The following TMEM132B variants were observed in gnomAD, a reference collection of about 807,000 sequenced individuals.
The protein encoded by TMEM132B is transmembrane protein 132B.
In TMEM132B, 18 loss-of-function variants were observed where a neutral mutation model predicts 90.8. The observed-to-expected ratio is 0.20, with a 90% CI of 0.14 to 0.29. TMEM132B has a LOEUF of 0.29. Ranked by LOEUF, TMEM132B falls within the 10% of genes least tolerant of loss-of-function variation. The pLI is 1.00. For missense variants in TMEM132B, 1,096 were observed against 1,326.8 expected, an observed-to-expected ratio of 0.83 and a Z score of 2.70; for synonymous variants, 504 against 523.3, an observed-to-expected ratio of 0.96 and a Z score of 0.50.
chr12:125,335,729 G>A (rs1204984088), intron 1 of TMEM132B, among the ~76,000 whole-genome samples: 4 of 152,194 alleles, frequency 2.6e-5, no homozygotes, highest in African/African-American at 9.6e-5. Context: ...GCTCATGCCT[G>A]TAATCCCAGC....
intron 1 of TMEM132B, among the ~76,000 whole-genome samples, chr12:125,267,935 C>G (rs1403064694): frequency 6.6e-6 from 1 of 152,200 alleles, no homozygotes; most frequent in East Asian, 1.9e-4. Flanking sequence ...TTGGTTGGTG[C>G]TCTCTACTCT....
At chr12:125,494,437 G>T (rs1401522242) in intron 3 of TMEM132B, among the ~76,000 whole-genome samples, 1 of 111,382 alleles carries the variant, frequency 9.0e-6, no homozygotes, top group Non-Finnish European at 1.8e-5. Flanking sequence ...GGAAATGGCC[G>T]TGTCCCTCCT....
chr12:125,557,966 A>G (rs1884432030), intron 4 of TMEM132B, among the ~76,000 whole-genome samples: 1 of 152,194 alleles, frequency 6.6e-6, no homozygotes, highest in South Asian at 2.1e-4. Context: ...CCCTCCTGTG[A>G]GTAGCTTATG....
chr12:125,384,773 C>T (rs1878779375), intron 2 of TMEM132B, among the ~76,000 whole-genome samples: 1 of 152,156 alleles, frequency 6.6e-6, no homozygotes, highest in Non-Finnish European at 1.5e-5. Flanking sequence ...GCCTCAGCCT[C>T]CCAAGTAGCT....
chr12:125,232,687 T>C (rs190116897), intron 1 of TMEM132B, among the ~76,000 whole-genome samples: 79 of 152,364 alleles, frequency 5.2e-4, no homozygotes, highest in African/African-American at 1.8e-3. Context: ...TTTTTCTCTC[T>C]CATAAATGTG....
At chr12:125,555,791 A>G (rs1425554945) in intron 4 of TMEM132B, among the ~76,000 whole-genome samples, 1 of 152,188 alleles carries the variant, frequency 6.6e-6, no homozygotes, top group Non-Finnish European at 1.5e-5. Context: ...TCGAGTTTGC[A>G]TAAGAAACAG....
At chr12:125,274,748 C>T (rs1266925468) in intron 1 of TMEM132B, among the ~76,000 whole-genome samples, 1 of 152,100 alleles carries the variant, frequency 6.6e-6, no homozygotes, top group Admixed American at 6.5e-5. Flanking sequence ...AACTTGGGTG[C>T]CTCCTAAGGG....
chr12:125,333,100 C>T (rs1425677341), intron 1 of TMEM132B, among the ~76,000 whole-genome samples: 2 of 152,172 alleles, frequency 1.3e-5, no homozygotes, highest in African/African-American at 4.8e-5. Flanking sequence ...GGCGCTGTCC[C>T]AGGCCGGTTT....
At chr12:125,535,602 G>C (rs1883775245) in intron 4 of TMEM132B, among the ~76,000 whole-genome samples, 1 of 152,176 alleles carries the variant, frequency 6.6e-6, no homozygotes, top group South Asian at 2.1e-4. Context: ...TAAAGACCAA[G>C]CTGAACTCCT....
At chr12:125,467,865 T>G (rs1881610341) in intron 3 of TMEM132B, among the ~76,000 whole-genome samples, 1 of 152,264 alleles carries the variant, frequency 6.6e-6, no homozygotes, top group Non-Finnish European at 1.5e-5. Context: ...CTGTGTGAAC[T>G]TTTGCATCTG....
chr12:125,544,792 G>A (rs1884047722), intron 4 of TMEM132B, among the ~76,000 whole-genome samples: 1 of 152,184 alleles, frequency 6.6e-6, no homozygotes, highest in Non-Finnish European at 1.5e-5. Context: ...GGTGTGGGCA[G>A]ATTATGCAGG....
chr12:125,514,206 C>A (rs1328830749), intron 3 of TMEM132B, among the ~76,000 whole-genome samples: 1 of 152,160 alleles, frequency 6.6e-6, no homozygotes, highest in Admixed American at 6.5e-5. Flanking sequence ...ACACGCCCCC[C>A]ACCCCCAACG....
chr12:125,435,323 A>C (rs1430026517), intron 3 of TMEM132B, among the ~76,000 whole-genome samples: 2 of 152,188 alleles, frequency 1.3e-5, no homozygotes, highest in African/African-American at 4.8e-5. Flanking sequence ...AGTTGCCAGG[A>C]AGGGCCTAGA....
At position 125,432,519 on chromosome 12, in the gene TMEM132B, A is replaced by ATG. The variant is rs1413050732; in HGVS notation, c.1106+16843_1106+16844insGT. The stretch of plus-strand genomic sequence containing the variant: ...TATATATATGTGTGTGTGTATATAT[A>ATG]TATATATATAGAGAGAGAGAGAGAG... On this transcript the variant is annotated intron_variant, in intron 3 of 8. Transcript: ENST00000682704. 4.1e-4 allele frequency among the ~76,000 whole-genome samples: 26 copies of ATG among 64,032 alleles called. 2 individuals carry two copies. Among genetic ancestry groups the ATG allele is most frequent in the East Asian group, 2.6e-3 (4 of 1,564 alleles). The allele number at this position is 64,032 out of a possible 152,430, so 42.0% of individuals were successfully genotyped here.
intron 1 of TMEM132B, among the ~76,000 whole-genome samples, chr12:125,249,460 A>T (rs969926335): frequency 3.9e-5 from 6 of 152,236 alleles, no homozygotes; most frequent in Admixed American, 3.9e-4. Flanking sequence ...TAGAAAGTTG[A>T]TCTATTAGTA....
At chr12:125,258,657 G>A (rs1274825051) in intron 1 of TMEM132B, among the ~76,000 whole-genome samples, 1 of 152,162 alleles carries the variant, frequency 6.6e-6, no homozygotes, top group Non-Finnish European at 1.5e-5. Context: ...GATTGAATGG[G>A]AAGGGACATA....
chr12:125,591,494 G>T (rs1003803420), intron 5 of TMEM132B, among the ~76,000 whole-genome samples: 3 of 152,102 alleles, frequency 2.0e-5, no homozygotes, highest in Non-Finnish European at 4.4e-5. Flanking sequence ...TACTTTGGGG[G>T]CCACAAGATA....
At chr12:125,431,557 A>G (rs1271742939) in intron 3 of TMEM132B, among the ~76,000 whole-genome samples, 2 of 138,204 alleles carry the variant, frequency 1.4e-5, no homozygotes, top group East Asian at 4.2e-4. Context: ...ATGTCTCAGT[A>G]TAAATAAACC....
At chr12:125,633,806 C>G (rs1051047173) in intron 5 of TMEM132B, among the ~76,000 whole-genome samples, 1 of 152,232 alleles carries the variant, frequency 6.6e-6, no homozygotes, top group African/African-American at 2.4e-5. Context: ...TCTGAGCCAC[C>G]TGAAGCTGAG....
Sources: allele counts gnomAD v4.1 joint callset (sites outside exome capture counted in the v4.1 genomes callset), GRCh38; gene constraint gnomAD v4.1.1; transcripts MANE v1.5; gene names NCBI Gene and HGNC (gene_info 2026-07-23, HGNC 2026-07-21).